Variants in FAM120C observed in about 807,000 individuals in gnomAD.
FAM120C encodes the protein constitutive coactivator of PPAR-gamma-like protein 2.
In FAM120C, 14 loss-of-function variants were observed where a neutral mutation model predicts 71.2. The ratio of observed to expected loss-of-function variants is 0.20; its 90% CI spans 0.13 to 0.31. The LOEUF (loss-of-function observed/expected upper bound fraction) is 0.31. Ranked by LOEUF, FAM120C falls within the 10% of genes least tolerant of loss-of-function variation. FAM120C has a pLI of 1.00. For synonymous variants in FAM120C, 354 were observed against 353.2 expected (o/e 1.00, Z -0.03); for missense variants, 500 against 879.0 (o/e 0.57, Z 5.45).
intron 1 of FAM120C, chrX:54,171,488 T>C (rs1280154751): frequency 8.9e-6 from 1 of 112,594 alleles, no homozygotes; most frequent in Non-Finnish European, 1.9e-5. Context: ...GGAGTTTACA[T>C]TTTACATTAA....
chrX:54,107,528 T>A (rs781834034), intron 10 of FAM120C, among the ~76,000 whole-genome samples: 64 of 106,915 alleles, frequency 6.0e-4, no homozygotes, highest in Middle Eastern at 4.9e-3. Flanking sequence ...TTTAAAAAAA[T>A]TTTTTTTTTG....
intron 1 of FAM120C, among the ~76,000 whole-genome samples, chrX:54,165,220 G>A (rs1441054281): frequency 2.7e-5 from 3 of 110,925 alleles, no homozygotes; most frequent in Admixed American, 9.7e-5. Context: ...TGATTGTCCC[G>A]AAAATGTCTT....
rs374881482 is a variant in FAM120C at position 54,140,164 on chromosome X, C to T, written c.1159-3574G>A. Among the ~76,000 whole-genome samples, 92 of 107,253 alleles carry T rather than the reference C, an allele frequency of 8.6e-4. 2 individuals are homozygous for T. In the South Asian group the frequency reaches 0.037, roughly 44 times the overall value. 93.1% of individuals were successfully genotyped at this position (107,253 alleles called of 115,157 possible). Reference sequence around the variant, plus strand: ...AAAAAAAATTAGCCGGGTGTGGTGGCGTGCACCTATAATCTCAGCTACTTG... The same window carrying T: ...AAAAAAAATTAGCCGGGTGTGGTGGTGTGCACCTATAATCTCAGCTACTTG... On this transcript the variant is annotated intron_variant, in intron 4 of 15. Coordinates refer to ENST00000375180, the MANE Select transcript of FAM120C (RefSeq NM_017848.6).
In FAM120C at chrX:54,070,637, A is replaced by G. The variant is rs1430074251; in HGVS notation, c.*2396T>C. 3 of 111,942 alleles carry G rather than the reference A, an allele frequency of 2.7e-5. No homozygotes were observed. The highest frequency in any genetic ancestry group is 5.6e-5 in the Non-Finnish European group (3 of 53,200). 9.2% of individuals were successfully genotyped at this position (111,942 alleles called of 1,213,427 possible). ...AAATTCCAAGCCATGTAAATTTACT[A>G]CTATCCCTTCCTTTGCTGGATATAG... On this transcript the variant is annotated 3_prime_UTR_variant, in exon 16 of 16. Coordinates refer to ENST00000375180, the MANE Select transcript of FAM120C (RefSeq NM_017848.6).
intron 15 of FAM120C, among the ~76,000 whole-genome samples, chrX:54,075,258 G>A (rs1295136836): frequency 8.9e-6 from 1 of 112,122 alleles, no homozygotes; most frequent in East Asian, 2.8e-4. Flanking sequence ...CAATTTTATA[G>A]ATGAGAAAAC....
chrX:54,114,155 G>C (rs2066954313), intron 10 of FAM120C, among the ~76,000 whole-genome samples: 1 of 111,078 alleles, frequency 9.0e-6, no homozygotes, highest in Admixed American at 9.7e-5. Context: ...ATTATCTTAA[G>C]TGAAATAACT....
At chrX:54,142,679 A>G (rs2067132174) in intron 4 of FAM120C, among the ~76,000 whole-genome samples, 1 of 112,245 alleles carries the variant, frequency 8.9e-6, no homozygotes, top group African/African-American at 3.2e-5. Context: ...ATAGCTGAAC[A>G]AAAGGCAGCA....
intron 13 of FAM120C, among the ~76,000 whole-genome samples, chrX:54,083,840 C>T (rs1408629904): frequency 1.8e-5 from 2 of 110,630 alleles, no homozygotes; most frequent in Admixed American, 9.8e-5. Flanking sequence ...CTCAGTCTCC[C>T]GAGTAGCTAG....
chrX:54,155,530 A>C (rs1368062941), intron 3 of FAM120C, among the ~76,000 whole-genome samples: 4 of 111,855 alleles, frequency 3.6e-5, no homozygotes, highest in Middle Eastern at 4.6e-3. Context: ...CAATTTCAGC[A>C]AATCAATTGA....
chrX:54,129,231 G>A (rs2067047904), intron 9 of FAM120C, among the ~76,000 whole-genome samples: 1 of 109,331 alleles, frequency 9.1e-6, no homozygotes, highest in Non-Finnish European at 1.9e-5. Context: ...AGACGGGGTG[G>A]CTGCCGGGCG....
chrX:54,095,397 G>GGT (rs1557123133), intron 10 of FAM120C, among the ~76,000 whole-genome samples: 5 of 100,266 alleles, frequency 5.0e-5, no homozygotes, highest in African/African-American at 1.9e-4. Context: ...TCAGGGCAGT[G>GGT]GTGTGATCAC....
intron 9 of FAM120C, among the ~76,000 whole-genome samples, chrX:54,118,708 T>C (rs1439471275): frequency 3.5e-4 from 31 of 88,700 alleles, no homozygotes; most frequent in Middle Eastern, 5.4e-3. Flanking sequence ...TCTTTTTTTT[T>C]TTTTTTTTTT....
chrX:54,101,178 C>T (rs782092689), intron 10 of FAM120C, among the ~76,000 whole-genome samples: 3 of 111,645 alleles, frequency 2.7e-5, no homozygotes, highest in East Asian at 2.8e-4. Flanking sequence ...CCAAGGTTTA[C>T]GACTTGTACC....
At chrX:54,111,456 A>C (rs1440964109) in intron 10 of FAM120C, among the ~76,000 whole-genome samples, 1 of 110,836 alleles carries the variant, frequency 9.0e-6, no homozygotes, top group Non-Finnish European at 1.9e-5. Flanking sequence ...ATACAAAATC[A>C]ATGTATGAAA....
intron 9 of FAM120C, among the ~76,000 whole-genome samples, chrX:54,122,885 C>T (rs1401089486): frequency 3.6e-5 from 1 of 28,102 alleles, no homozygotes; most frequent in Non-Finnish European, 5.6e-5. Flanking sequence ...TTTAGCGCTT[C>T]CTTCAGGAGC....
intron 14 of FAM120C, among the ~76,000 whole-genome samples, chrX:54,080,582 G>A (rs781958172): frequency 3.6e-5 from 4 of 111,867 alleles, no homozygotes; most frequent in East Asian, 5.6e-4. Context: ...AAGTTGGGCC[G>A]GGCGCGGTGG....
At chrX:54,080,748 G>A (rs782758430) in intron 14 of FAM120C, among the ~76,000 whole-genome samples, 6 of 108,755 alleles carry the variant, frequency 5.5e-5, no homozygotes, top group African/African-American at 2.0e-4. Flanking sequence ...TGTAATCCCA[G>A]CTGCTTGGGA....
intron 13 of FAM120C, among the ~76,000 whole-genome samples, chrX:54,085,192 T>C (rs901134625): frequency 8.9e-6 from 1 of 112,134 alleles, no homozygotes; most frequent in East Asian, 2.8e-4. Flanking sequence ...ATGAGTTTGG[T>C]TGGTGAGAGT....
At chrX:54,102,326 G>A (rs782416917) in intron 10 of FAM120C, among the ~76,000 whole-genome samples, 2 of 92,734 alleles carry the variant, frequency 2.2e-5, no homozygotes, top group East Asian at 7.0e-4. Flanking sequence ...ACTGTGCCCT[G>A]CCTCTTAGTC....
Sources: allele counts gnomAD v4.1 joint callset (sites outside exome capture counted in the v4.1 genomes callset), GRCh38; gene constraint gnomAD v4.1.1; transcripts MANE v1.5; gene names NCBI Gene and HGNC (gene_info 2026-07-23, HGNC 2026-07-21).